NKAIN3: variants seen among roughly 807,000 people sequenced by gnomAD.
NKAIN3 encodes sodium/potassium transporting ATPase interacting 3.
NKAIN3 carries 25 observed loss-of-function variants against 30.2 expected under a neutral mutation model. That is an observed-to-expected ratio of 0.83 (90% CI 0.60 to 1.16). The LOEUF is 1.16. NKAIN3 is among the 50% of genes most tolerant of loss of function. The pLI is 0.00. For missense variants in NKAIN3, 225 were observed against 254.1 expected (o/e 0.89, Z 0.78); for synonymous variants, 91 against 89.6 (o/e 1.02, Z -0.09).
At chr8:62,663,443 T>C (rs1003590087) in intron 3 of NKAIN3, among the ~76,000 whole-genome samples, 5 of 152,314 alleles carry the variant, frequency 3.3e-5, no homozygotes, top group South Asian at 2.1e-4. Context: ...GTAGGTTCGA[T>C]TGACAATATA....
chr8:62,994,708 C>T (rs1036204751), intron 5 of NKAIN3, among the ~76,000 whole-genome samples: 13 of 152,190 alleles, frequency 8.5e-5, no homozygotes, highest in Middle Eastern at 6.8e-3. Context: ...AGGCATTAAC[C>T]GAGAGAAGAG....
intron 3 of NKAIN3, among the ~76,000 whole-genome samples, chr8:62,608,222 C>A (rs912397854): frequency 6.6e-6 from 1 of 152,092 alleles, no homozygotes; most frequent in African/African-American, 2.4e-5. Flanking sequence ...CATTCTTTCC[C>A]ACACTTTTCT....
chr8:62,487,821 A>C (rs1585863127), intron 1 of NKAIN3, among the ~76,000 whole-genome samples: 1 of 152,212 alleles, frequency 6.6e-6, no homozygotes, highest in East Asian at 1.9e-4. Flanking sequence ...TAACAGCTGC[A>C]TTTAGACTAG....
At chr8:62,541,491 T>C (rs1167035770) in intron 1 of NKAIN3, among the ~76,000 whole-genome samples, 1 of 152,174 alleles carries the variant, frequency 6.6e-6, no homozygotes, top group Non-Finnish European at 1.5e-5. Context: ...TGGAGTAATT[T>C]TCATTCATTT....
intron 4 of NKAIN3, among the ~76,000 whole-genome samples, chr8:62,854,829 T>C (rs1820012688): frequency 1.3e-5 from 2 of 152,184 alleles, no homozygotes; most frequent in African/African-American, 4.8e-5. Flanking sequence ...TTGTAATGGC[T>C]GGTAACGATT....
chr8:62,255,420 G>C (rs182266116), intron 1 of NKAIN3, among the ~76,000 whole-genome samples: 1 of 152,230 alleles, frequency 6.6e-6, no homozygotes, highest in Non-Finnish European at 1.5e-5. Context: ...GGCAAGGAGG[G>C]AGTCCCCTAC....
intron 3 of NKAIN3, among the ~76,000 whole-genome samples, chr8:62,649,107 A>G (rs575931972): frequency 3.9e-5 from 6 of 152,342 alleles, no homozygotes; most frequent in African/African-American, 1.2e-4. Flanking sequence ...GGGAGAAAAC[A>G]AATAATGCCA....
intron 1 of NKAIN3, among the ~76,000 whole-genome samples, chr8:62,508,373 C>T (rs1441255749): frequency 6.6e-6 from 1 of 152,182 alleles, no homozygotes; most frequent in Admixed American, 6.5e-5. Context: ...CCTTGGACAT[C>T]ACTCTTTTAG....
In NKAIN3 at chr8:62,672,847, A is replaced by T. The variant is rs891499069; in HGVS notation, c.274-74085A>T. 2.4e-4 allele frequency among the ~76,000 whole-genome samples: 36 copies of T among 152,176 alleles called. 1 individual carries two copies. Among genetic ancestry groups the T allele is most frequent in the Admixed American group, 2.4e-3 (36 of 15,268 alleles). ...AGTTTAATTCTATACAGTCAATTTT[A>T]TCTAAAAAAATTGATTTTTTCTCCT... On this transcript the variant is annotated intron_variant, in intron 3 of 6. Coordinates refer to ENST00000623646, the MANE Select transcript of NKAIN3 (RefSeq NM_001304533.3).
intron 4 of NKAIN3, among the ~76,000 whole-genome samples, chr8:62,907,154 T>C (rs1013811019): frequency 1.3e-5 from 2 of 152,158 alleles, no homozygotes; most frequent in African/African-American, 4.8e-5. Context: ...GCAGGTGGCA[T>C]TTTGCCCCTG....
rs1163700299 is a variant in NKAIN3, at chr8:62,345,370, T to TAC, written c.54+96247_54+96248dup. Reference sequence around the variant, plus strand: ...ACACATATACACATATATGTATATATACACATATATGTATATATACACACA... The same window carrying TAC: ...ACACATATACACATATATGTATATATACACACATATATGTATATATACACACA... On this transcript the variant is annotated intron_variant, in intron 1 of 6. Transcript: ENST00000623646. 8.2e-5 allele frequency among the ~76,000 whole-genome samples: 2 copies of TAC among 24,340 alleles called. 1 individual carries two copies. The highest frequency in any genetic ancestry group is 6.9e-3 in the South Asian group (2 of 290). The allele number at this position is 24,340 out of a possible 152,430, so 16.0% of individuals were successfully genotyped here.
chr8:62,930,735 A>T (rs1266898839), intron 5 of NKAIN3, among the ~76,000 whole-genome samples: 2 of 146,130 alleles, frequency 1.4e-5, no homozygotes, highest in African/African-American at 5.1e-5. Flanking sequence ...ACGGAGTCTC[A>T]CTCTGTCACC....
intron 5 of NKAIN3, among the ~76,000 whole-genome samples, chr8:62,932,685 C>T (rs1822656757): frequency 2.6e-5 from 4 of 152,074 alleles, no homozygotes; most frequent in Admixed American, 1.3e-4. Flanking sequence ...TTCCATTTTA[C>T]ACTAGTGATT....
At chr8:62,939,263 A>G (rs1445373422) in intron 5 of NKAIN3, among the ~76,000 whole-genome samples, 2 of 152,198 alleles carry the variant, frequency 1.3e-5, no homozygotes, top group East Asian at 1.9e-4. Context: ...TATGTTAAAC[A>G]GCCAAACGTA....
At chr8:62,676,681 A>G (rs1054193214) in intron 3 of NKAIN3, among the ~76,000 whole-genome samples, 1 of 152,150 alleles carries the variant, frequency 6.6e-6, no homozygotes, top group African/African-American at 2.4e-5. Context: ...ATGTATCCAT[A>G]ACCCAACTGT....
chr8:62,724,267 C>T (rs935977197), intron 3 of NKAIN3, among the ~76,000 whole-genome samples: 2 of 151,794 alleles, frequency 1.3e-5, no homozygotes, highest in African/African-American at 2.4e-5. Flanking sequence ...TTTGTGAGTA[C>T]GTAGTAGGTG....
At chr8:62,319,480 T>G (rs1814792977) in intron 1 of NKAIN3, among the ~76,000 whole-genome samples, 1 of 152,170 alleles carries the variant, frequency 6.6e-6, no homozygotes, top group African/African-American at 2.4e-5. Flanking sequence ...GTGCTATAAA[T>G]TTCCCTCTAC....
chr8:62,839,703 A>G (rs367976887), intron 4 of NKAIN3, among the ~76,000 whole-genome samples: 2 of 151,964 alleles, frequency 1.3e-5, no homozygotes, highest in African/African-American at 2.4e-5. Flanking sequence ...CTGGAGCCCA[A>G]CTCCTGGGCT....
chr8:62,376,450 T>A (rs755846494), intron 1 of NKAIN3, among the ~76,000 whole-genome samples: 2 of 152,204 alleles, frequency 1.3e-5, no homozygotes, highest in Non-Finnish European at 2.9e-5. Flanking sequence ...GTCTCTAGTC[T>A]GCTAGTCTTT....
Sources: gnomAD v4.1 joint callset for allele counts (sites outside exome capture counted in the v4.1 genomes callset) on GRCh38, gnomAD v4.1.1 for gene constraint, MANE v1.5 for transcripts, NCBI Gene and HGNC (gene_info 2026-07-23, HGNC 2026-07-21) for gene names.